Variants in MGMT observed in about 807,000 individuals in gnomAD.
MGMT encodes the protein O-6-methylguanine-DNA methyltransferase, also known as methylated-DNA--protein-cysteine methyltransferase.
In MGMT, 14 loss-of-function variants were observed where a neutral mutation model predicts 15.9. The observed-to-expected ratio is 0.88, with a 90% CI of 0.58 to 1.37. The LOEUF is 1.37. Among genes scored for constraint, MGMT ranks in the 40% most tolerant of loss-of-function variants. MGMT has a pLI of 0.00. For missense variants in MGMT, 282 were observed against 268.1 expected, an observed-to-expected ratio of 1.05 and a Z score of -0.36; for synonymous variants, 130 against 118.2, an observed-to-expected ratio of 1.10 and a Z score of -0.65.
chr10:129,645,345 C>T (rs556683355), intron 2 of MGMT, among the ~76,000 whole-genome samples: 1 of 152,258 alleles, frequency 6.6e-6, no homozygotes, highest in South Asian at 2.1e-4. Context: ...TGGTCTCGAA[C>T]TCCTGACCTC....
intron 2 of MGMT, among the ~76,000 whole-genome samples, chr10:129,650,722 G>T (rs545446387): frequency 6.6e-6 from 1 of 152,168 alleles, no homozygotes; most frequent in Non-Finnish European, 1.5e-5. Flanking sequence ...AGTACTTTGG[G>T]TGGTGGTAAA....
At chr10:129,656,528 C>G (rs1401398162) in intron 2 of MGMT, among the ~76,000 whole-genome samples, 5 of 152,186 alleles carry the variant, frequency 3.3e-5, no homozygotes, top group African/African-American at 1.2e-4. Context: ...GGACATGCGC[C>G]TGTGACCCAG....
At chr10:129,604,737 A>ACCCCCCCCCCCCCCCCCCCCCCCCCC (rs1554917410) in intron 2 of MGMT, among the ~76,000 whole-genome samples, 1 of 38,766 alleles carries the variant, frequency 2.6e-5, no homozygotes, top group Non-Finnish European at 5.4e-5. Flanking sequence ...TCGCCGCCCC[A>ACCCCCCCCCCCCCCCCCCCCCCCCCC]CCCCCTCCCC....
intron 2 of MGMT, among the ~76,000 whole-genome samples, chr10:129,562,344 G>C (rs1190577182): frequency 6.6e-6 from 1 of 152,182 alleles, no homozygotes; most frequent in Non-Finnish European, 1.5e-5. Context: ...GGCTCCATCC[G>C]GGGATTTGAT....
chr10:129,641,472 T>G (rs1036774504), intron 2 of MGMT, among the ~76,000 whole-genome samples: 1 of 152,218 alleles, frequency 6.6e-6, no homozygotes, highest in African/African-American at 2.4e-5. Flanking sequence ...TGTACAAGTT[T>G]TCCAAAATTA....
chr10:129,555,391 TAGCCCAGGGGGCACTCA>T (rs1846201854), intron 2 of MGMT, among the ~76,000 whole-genome samples: 1 of 152,122 alleles, frequency 6.6e-6, no homozygotes, highest in Non-Finnish European at 1.5e-5. Context: ...TCACAGGGCC[TAGCCCAGGGGGCACTCA>T]AGAAATTGTA....
rs143153269 is a variant in MGMT, at chr10:129,526,167, C to T, written c.-12-10074C>T. ...TACTTGGTGAGCATCAGCCACACCA[C>T]GTGGCCAGGTTTATGATCAGGTGAT... On this transcript the variant is annotated intron_variant, in intron 1 of 4. Coordinates refer to ENST00000651593, the MANE Select transcript of MGMT (RefSeq NM_002412.5). Among the ~76,000 whole-genome samples, 964 of 152,288 alleles carry T rather than the reference C, an allele frequency of 6.3e-3. 9 individuals carry two copies. Among genetic ancestry groups the T allele is most frequent in the African/African-American group, 0.022 (923 of 41,566 alleles).
intron 2 of MGMT, among the ~76,000 whole-genome samples, chr10:129,544,542 G>A (rs1288015868): frequency 6.6e-6 from 1 of 152,228 alleles, no homozygotes; most frequent in Non-Finnish European, 1.5e-5. Context: ...TAAGATGACA[G>A]TGTCCTTTCT....
intron 2 of MGMT, among the ~76,000 whole-genome samples, chr10:129,629,841 G>C (rs1340161074): frequency 6.6e-6 from 1 of 152,212 alleles, no homozygotes; most frequent in South Asian, 2.1e-4. Flanking sequence ...GGACTTTTCC[G>C]GAATAACCCA....
At chr10:129,552,295 C>T (rs1030943617) in intron 2 of MGMT, among the ~76,000 whole-genome samples, 16 of 152,162 alleles carry the variant, frequency 1.1e-4, no homozygotes, top group African/African-American at 1.9e-4. Context: ...AGTGCACACC[C>T]GGTGGGGCCC....
At chr10:129,581,223 T>C (rs1003835213) in intron 2 of MGMT, among the ~76,000 whole-genome samples, 1 of 152,174 alleles carries the variant, frequency 6.6e-6, no homozygotes, top group African/African-American at 2.4e-5. Flanking sequence ...TGGATGCCTT[T>C]CATTCCATCC....
At chr10:129,529,114 C>G (rs1011689113) in intron 1 of MGMT, among the ~76,000 whole-genome samples, 1 of 151,278 alleles carries the variant, frequency 6.6e-6, no homozygotes, top group African/African-American at 2.4e-5. Flanking sequence ...GGGAAGGAGA[C>G]AGAGCGGTAG....
intron 2 of MGMT, among the ~76,000 whole-genome samples, chr10:129,641,661 TACTG>T (rs1847329331): frequency 6.6e-6 from 1 of 152,198 alleles, no homozygotes; most frequent in Non-Finnish European, 1.5e-5. Flanking sequence ...TTGGGGAAAA[TACTG>T]AGACAAAATG....
At chr10:129,718,398 G>A (rs982973064) in intron 3 of MGMT, among the ~76,000 whole-genome samples, 13 of 152,130 alleles carry the variant, frequency 8.5e-5, no homozygotes, top group African/African-American at 2.7e-4. Context: ...TGCTGAGTGC[G>A]GGCAGTGGTG....
chr10:129,571,206 A>G (rs894107267), intron 2 of MGMT, among the ~76,000 whole-genome samples: 3 of 152,178 alleles, frequency 2.0e-5, no homozygotes, highest in Admixed American at 1.3e-4. Flanking sequence ...CTGAGAGTGA[A>G]TGACATATTC....
intron 3 of MGMT, among the ~76,000 whole-genome samples, chr10:129,714,767 A>G (rs1020413959): frequency 3.3e-5 from 5 of 152,196 alleles, no homozygotes; most frequent in Non-Finnish European, 5.9e-5. Flanking sequence ...TGCGCATTGA[A>G]GGAATGTTTT....
intron 2 of MGMT, among the ~76,000 whole-genome samples, chr10:129,575,118 A>G (rs527630087): frequency 6.6e-6 from 1 of 152,324 alleles, no homozygotes; most frequent in South Asian, 2.1e-4. Flanking sequence ...AACATTAGAC[A>G]GATCAACAAG....
chr10:129,763,694 C>T (rs1335345627), intron 4 of MGMT, among the ~76,000 whole-genome samples: 1 of 152,184 alleles, frequency 6.6e-6, no homozygotes, highest in East Asian at 1.9e-4. Flanking sequence ...ACCTCTTTAT[C>T]AGTCAAAAAC....
At chr10:129,735,577 T>G (rs1165158456) in intron 3 of MGMT, among the ~76,000 whole-genome samples, 1 of 148,956 alleles carries the variant, frequency 6.7e-6, no homozygotes, top group Admixed American at 6.7e-5. Context: ...CTGCTCTGAT[T>G]TTAGTTATTT....
Sources: gnomAD v4.1 joint callset for allele counts (sites outside exome capture counted in the v4.1 genomes callset) on GRCh38, gnomAD v4.1.1 for gene constraint, MANE v1.5 for transcripts, NCBI Gene and HGNC (gene_info 2026-07-23, HGNC 2026-07-21) for gene names.